IL19: variants seen among roughly 807,000 people sequenced by gnomAD.
The protein encoded by IL19 is interleukin 19, also known as interleukin-19.
A neutral mutation model predicts 19.5 loss-of-function variants in IL19; 15 were observed. That is an observed-to-expected ratio of 0.77 (90% CI 0.52 to 1.19). IL19 has a LOEUF of 1.19. IL19 is among the 50% of genes most tolerant of loss of function. The pLI is 0.00. For synonymous variants in IL19, 78 were observed against 78.3 expected, an observed-to-expected ratio of 1.00 and a Z score of 0.02; for missense variants, 199 against 213.1, an observed-to-expected ratio of 0.93 and a Z score of 0.41.
At chr1:206,806,765 A>G (rs1193669103) in intron 2 of IL19, among the ~76,000 whole-genome samples, 1 of 152,186 alleles carries the variant, frequency 6.6e-6, no homozygotes, top group Non-Finnish European at 1.5e-5. Flanking sequence ...CCAAGTCAAT[A>G]TCATATTTTA....
intron 2 of IL19, among the ~76,000 whole-genome samples, chr1:206,835,156 G>A (rs1676742754): frequency 6.6e-6 from 1 of 152,180 alleles, no homozygotes; most frequent in African/African-American, 2.4e-5. Context: ...CCTGGCATGG[G>A]ATGAGCAGGC....
At chr1:206,796,746 T>C (rs898230027) in intron 1 of IL19, among the ~76,000 whole-genome samples, 2 of 152,230 alleles carry the variant, frequency 1.3e-5, no homozygotes, top group African/African-American at 4.8e-5. Flanking sequence ...CTATGATGTT[T>C]GCACAATGAC....
At chr1:206,833,394 T>G (rs946766128) in intron 2 of IL19, among the ~76,000 whole-genome samples, 3 of 152,258 alleles carry the variant, frequency 2.0e-5, no homozygotes, top group African/African-American at 7.2e-5. Flanking sequence ...TCTCCTGATT[T>G]CTCAGAAGGT....
rs958488658 is a variant in IL19 at position 206,803,248 on chromosome 1, C to G, written c.-3+4242C>G. On this transcript the variant is annotated intron_variant, in intron 2 of 6. Transcript: ENST00000659997. ...GCTTTCGCTGTTGCTGCTGAGAGAA[C>G]TTGGGGTGCCAGGAAGTCGGGGTTG... is the stretch of plus-strand genomic sequence containing the variant. Among the ~76,000 whole-genome samples the G allele has an allele frequency of 1.2e-4, 19 of 152,134 alleles. 1 individual carries two copies. Among genetic ancestry groups the G allele is most frequent in the African/African-American group, 4.6e-4 (19 of 41,424 alleles).
At position 206,783,401 on chromosome 1, in the gene IL19, A is replaced by G. The variant is rs529589414; in HGVS notation, c.-149+12323A>G. On this transcript the variant is annotated intron_variant, in intron 1 of 6. Transcript: ENST00000659997. ...ATACAAGGAATACTTTCTAAACAGT[A>G]TTATTCTTTCAAGTAATTAAGGAGA... Among the ~76,000 whole-genome samples the G allele has an allele frequency of 3.3e-5, 5 of 152,310 alleles. No homozygotes were observed. In the East Asian group the frequency reaches 9.6e-4, roughly 29 times the overall value.
At chr1:206,825,701 C>T (rs1447053291) in intron 2 of IL19, among the ~76,000 whole-genome samples, 1 of 152,170 alleles carries the variant, frequency 6.6e-6, no homozygotes, top group African/African-American at 2.4e-5. Context: ...GGGGCTCCTC[C>T]CCACCAGGAA....
intron 2 of IL19, among the ~76,000 whole-genome samples, chr1:206,836,049 T>G (rs1187081113): frequency 6.6e-6 from 1 of 152,252 alleles, no homozygotes; most frequent in African/African-American, 2.4e-5. Context: ...TACCTTTGGC[T>G]TCTTCCCCTA....
In IL19 at chr1:206,770,833, G is replaced by T. The variant is rs903320101; in HGVS notation, c.-394G>T. 7 of 1,392,504 alleles carry T rather than the reference G, an allele frequency of 5.0e-6. No homozygotes were observed. Among genetic ancestry groups the T allele is most frequent in the African/African-American group, 1.4e-5 (1 of 70,972 alleles). 86.3% of individuals were successfully genotyped at this position (1,392,504 alleles called of 1,614,324 possible). A position where few individuals can be genotyped will look rare whatever the true frequency, so the allele number is the denominator to read the frequency against. On this transcript the variant is annotated 5_prime_UTR_variant, in exon 1 of 7. The change abolishes the stop of an existing upstream ORF in the 5' untranslated region. Coordinates refer to ENST00000659997, the MANE Select transcript of IL19 (RefSeq NM_153758.5). ...GTGTCTTTGCTGTGTCTGTGGATGT[G>T]AGTGTCCCTGCTGGTCTGTAGGAGA...
At position 206,837,109 on chromosome 1, in the gene IL19, C is replaced by T. The variant is rs973074134; in HGVS notation, c.210+86C>T. 6 of 1,050,438 alleles carry T rather than the reference C, an allele frequency of 5.7e-6. No homozygotes were observed. The East Asian group carries it at 1.2e-4, about 21-fold the overall frequency. 65.1% of individuals were successfully genotyped at this position (1,050,438 alleles called of 1,614,324 possible). ...TGAGAAAGAAATCCCTACCTTGTCC[C>T]CTTCTCTTTCCTAATCTCCAATGTA... On this transcript the variant is annotated intron_variant, in intron 4 of 6. Coordinates refer to ENST00000659997, the MANE Select transcript of IL19 (RefSeq NM_153758.5).
At chr1:206,791,225 C>A (rs1333730227) in intron 1 of IL19, among the ~76,000 whole-genome samples, 1 of 151,222 alleles carries the variant, frequency 6.6e-6, no homozygotes, top group Non-Finnish European at 1.5e-5. Context: ...ATTGGAAAGT[C>A]ATTTGTTCAT....
intron 1 of IL19, among the ~76,000 whole-genome samples, chr1:206,790,192 G>A (rs1057270597): frequency 2.6e-5 from 4 of 152,162 alleles, no homozygotes; most frequent in Middle Eastern, 3.4e-3. Flanking sequence ...CTTCCACACC[G>A]GCATCTATTG....
intron 1 of IL19, among the ~76,000 whole-genome samples, chr1:206,793,863 G>T (rs1477563316): frequency 6.6e-6 from 1 of 152,256 alleles, no homozygotes; most frequent in Non-Finnish European, 1.5e-5. Flanking sequence ...CGAAGGGCTA[G>T]GGAGGAGTGT....
chr1:206,825,296 T>A (rs2102477421), intron 2 of IL19, among the ~76,000 whole-genome samples: 1 of 152,370 alleles, frequency 6.6e-6, no homozygotes, highest in South Asian at 2.1e-4. Context: ...GATGGCAAGT[T>A]ACTCTGGCAC....
intron 1 of IL19, among the ~76,000 whole-genome samples, chr1:206,790,239 G>A (rs1023895969): frequency 7.2e-5 from 11 of 152,090 alleles, no homozygotes; most frequent in Non-Finnish European, 7.4e-5. Flanking sequence ...TCTGGCTGGG[G>A]TAAGGTGGTA....
chr1:206,839,287 G>C (rs1398089999), intron 4 of IL19, among the ~76,000 whole-genome samples: 1 of 152,172 alleles, frequency 6.6e-6, no homozygotes, highest in African/African-American at 2.4e-5. Context: ...GTTTTAAAAG[G>C]ACAGACTACA....
intron 2 of IL19, among the ~76,000 whole-genome samples, chr1:206,808,223 C>G (rs2102465538): frequency 6.6e-6 from 1 of 152,314 alleles, no homozygotes; most frequent in East Asian, 1.9e-4. Context: ...CCCAGCTACT[C>G]TGGTGGCTGA....
chr1:206,771,071 A>G lies in IL19; in HGVS notation c.-156A>G, dbSNP rs932332598. On this transcript the variant is annotated 5_prime_UTR_variant, in exon 1 of 7. Coordinates refer to ENST00000659997, the MANE Select transcript of IL19 (RefSeq NM_153758.5). ...CAACCCAGGTAACCCTAAGGGCAGG[A>G]GCCAAAGGTGAGTGAGAGATTGGCG... 1 of 1,613,882 alleles carries G rather than the reference A, an allele frequency of 6.2e-7. No homozygotes were observed. The highest frequency in any genetic ancestry group is 1.7e-5 in the Admixed American group (1 of 59,990).
At chr1:206,776,791 C>A (rs908214824) in intron 1 of IL19, among the ~76,000 whole-genome samples, 1 of 151,090 alleles carries the variant, frequency 6.6e-6, no homozygotes, top group South Asian at 2.1e-4. Flanking sequence ...GAGAGCACAG[C>A]GGGAGGGACA....
chr1:206,842,454 A>G, intron 6 of IL19, 73 bp from the exon 7 acceptor site: 1 of 869,544 alleles, frequency 1.2e-6, no homozygotes, highest in Non-Finnish European at 1.8e-6. Context: ...GGGAACCAGC[A>G]TATGAAGAAA....
Sources: allele counts gnomAD v4.1 joint callset (sites outside exome capture counted in the v4.1 genomes callset), GRCh38; gene constraint gnomAD v4.1.1; transcripts MANE v1.5; gene names NCBI Gene and HGNC (gene_info 2026-07-23, HGNC 2026-07-21).